NFYC: variants seen among roughly 807,000 people sequenced by gnomAD.
NFYC encodes the protein CAAT box DNA-binding protein subunit C.
In NFYC, 25 loss-of-function variants were observed where a neutral mutation model predicts 53.1. The ratio of observed to expected loss-of-function variants is 0.47; its 90% CI spans 0.34 to 0.66. NFYC has a LOEUF of 0.66. Ranked by LOEUF, NFYC falls within the 30% of genes least tolerant of loss-of-function variation. The pLI, the probability that NFYC is intolerant of heterozygous loss-of-function variation, is 0.01. For missense variants in NFYC, 260 were observed against 422.7 expected (o/e 0.62, Z 3.38); for synonymous variants, 145 against 152.6 (o/e 0.95, Z 0.37).
intron 1 of NFYC, among the ~76,000 whole-genome samples, chr1:40,698,999 C>G (rs1170822576): frequency 6.6e-5 from 10 of 152,074 alleles, no homozygotes; most frequent in Non-Finnish European, 1.0e-4. Flanking sequence ...CCCATCTCTA[C>G]TAAAGATACA....
At chr1:40,758,562 A>AG (rs1471487723) in intron 6 of NFYC, 1 of 341,442 alleles carries the variant, frequency 2.9e-6, no homozygotes, top group African/African-American at 2.1e-5. Context: ...AAATTTTAGA[A>AG]GGGAAAAAAA....
At chr1:40,761,102 C>G (rs1646521898) in intron 6 of NFYC, among the ~76,000 whole-genome samples, 1 of 152,200 alleles carries the variant, frequency 6.6e-6, no homozygotes, top group Non-Finnish European at 1.5e-5. Flanking sequence ...AACACAAGCC[C>G]TCATTTTCCT....
intron 1 of NFYC, among the ~76,000 whole-genome samples, chr1:40,720,641 A>G (rs1474972524): frequency 6.6e-6 from 1 of 152,168 alleles, no homozygotes; most frequent in Non-Finnish European, 1.5e-5. Flanking sequence ...CCAAAGTGAG[A>G]GGATCACTTG....
chr1:40,765,085 C>T (rs1350566434), intron 7 of NFYC, among the ~76,000 whole-genome samples: 1 of 152,206 alleles, frequency 6.6e-6, no homozygotes, highest in Non-Finnish European at 1.5e-5. Flanking sequence ...CACCATCAGT[C>T]TCTGTAGATG....
intron 2 of NFYC, among the ~76,000 whole-genome samples, chr1:40,743,358 C>G (rs1352766187): frequency 2.0e-5 from 3 of 152,216 alleles, no homozygotes; most frequent in African/African-American, 7.2e-5. Context: ...TCCCGCACAG[C>G]AGAGCTCTGG....
intron 1 of NFYC, among the ~76,000 whole-genome samples, chr1:40,728,787 G>A (rs373330969): frequency 2.0e-5 from 3 of 151,890 alleles, no homozygotes; most frequent in African/African-American, 4.8e-5. Context: ...ACAGGTGCCC[G>A]CCACCACGCC....
intron 1 of NFYC, among the ~76,000 whole-genome samples, chr1:40,733,284 A>T (rs1257443183): frequency 6.6e-6 from 1 of 151,672 alleles, no homozygotes; most frequent in East Asian, 2.0e-4. Context: ...GGCCTCCTTA[A>T]TGCTCCCAAG....
At chr1:40,722,332 C>T (rs1233557054) in intron 1 of NFYC, among the ~76,000 whole-genome samples, 1 of 152,058 alleles carries the variant, frequency 6.6e-6, no homozygotes, top group African/African-American at 2.4e-5. Context: ...TTTTTTGGAA[C>T]TAGTACATTT....
intron 2 of NFYC, 97 bp from the exon 3 acceptor site, chr1:40,747,437 G>C: frequency 1.3e-6 from 1 of 789,312 alleles, no homozygotes; most frequent in Non-Finnish European, 2.2e-6. Context: ...GCTTCCTGAA[G>C]AGAGGGACCA....
chr1:40,704,081 G>T (rs1643574592), intron 1 of NFYC, among the ~76,000 whole-genome samples: 1 of 135,904 alleles, frequency 7.4e-6, no homozygotes, highest in East Asian at 2.0e-4. Context: ...TGATTTAAGT[G>T]TTTTTTTTTT....
At chr1:40,730,087 A>G (rs1254356865) in intron 1 of NFYC, among the ~76,000 whole-genome samples, 5 of 152,048 alleles carry the variant, frequency 3.3e-5, no homozygotes, top group Middle Eastern at 3.4e-3. Context: ...GTGTGGTGGC[A>G]TGATCATAGC....
At chr1:40,726,442 C>G (rs1201689773) in intron 1 of NFYC, among the ~76,000 whole-genome samples, 15 of 147,372 alleles carry the variant, frequency 1.0e-4, no homozygotes, top group Non-Finnish European at 1.8e-4. Flanking sequence ...CCTCTCTCCA[C>G]ACTGTCACCC....
chr1:40,710,439 G>A (rs562908401), intron 1 of NFYC, among the ~76,000 whole-genome samples: 15 of 152,200 alleles, frequency 9.9e-5, no homozygotes, highest in Middle Eastern at 3.4e-3. Flanking sequence ...TTCTCTTTAT[G>A]GATATAAAGC....
chr1:40,724,057 T>G (rs1451520168), intron 1 of NFYC, among the ~76,000 whole-genome samples: 1 of 152,166 alleles, frequency 6.6e-6, no homozygotes, highest in African/African-American at 2.4e-5. Context: ...CTCTACTGTT[T>G]AGCATGAACA....
chr1:40,739,752 A>G (rs1001124844), intron 2 of NFYC, among the ~76,000 whole-genome samples: 1 of 152,250 alleles, frequency 6.6e-6, no homozygotes, highest in African/African-American at 2.4e-5. Flanking sequence ...CTGAAGCAGT[A>G]AAAGTCAAGG....
rs565371435 is a variant in NFYC, at chr1:40,737,014, C to T, written c.-8-1822C>T. On this transcript the variant is annotated intron_variant, in intron 1 of 9. Transcript: ENST00000447388. ...TGGTGGCAGATGCCTGTAATCCCAG[C>T]TACTCAGGAGGCTGAGGCAGGAGAA... 2.0e-5 allele frequency among the ~76,000 whole-genome samples: 3 copies of T among 150,704 alleles called. No individual in the cohort carries two copies. The South Asian group carries it at 6.3e-4, about 32-fold the overall frequency.
chr1:40,750,544 C>T (rs1038779233), intron 4 of NFYC, among the ~76,000 whole-genome samples: 2 of 152,036 alleles, frequency 1.3e-5, no homozygotes, highest in African/African-American at 4.8e-5. Context: ...CTTGTCAATG[C>T]GTCATAAAGT....
intron 1 of NFYC, among the ~76,000 whole-genome samples, chr1:40,731,046 A>G (rs933806739): frequency 8.5e-5 from 13 of 152,050 alleles, no homozygotes; most frequent in African/African-American, 3.1e-4. Flanking sequence ...GCACATCTAA[A>G]TTGTCTCAGC....
intron 1 of NFYC, 165 bp downstream of exon 1, chr1:40,692,032 T>A (rs1160114021): frequency 5.1e-6 from 1 of 195,330 alleles, no homozygotes; most frequent in Non-Finnish European, 1.1e-5. Flanking sequence ...CCTGGCCCGC[T>A]GCTGTCGCCG....
Sources: gnomAD v4.1 joint callset for allele counts (sites outside exome capture counted in the v4.1 genomes callset) on GRCh38, gnomAD v4.1.1 for gene constraint, MANE v1.5 for transcripts, NCBI Gene and HGNC (gene_info 2026-07-23, HGNC 2026-07-21) for gene names.